The following PTPRM variants were observed in gnomAD, a reference collection of about 807,000 sequenced individuals.
PTPRM encodes the protein protein tyrosine phosphatase receptor type M.
Under a neutral mutation model 186.7 loss-of-function variants are expected in PTPRM, and 47 were observed. The ratio of observed to expected loss-of-function variants is 0.25; its 90% CI spans 0.20 to 0.32. The LOEUF is 0.32. Among genes scored for constraint, PTPRM ranks in the 10% least tolerant of loss-of-function variants. PTPRM has a pLI of 1.00. For missense variants in PTPRM, 1,494 were observed against 1,865.0 expected (o/e 0.80, Z 3.66); for synonymous variants, 668 against 674.9 (o/e 0.99, Z 0.16).
At chr18:8,218,446 G>T (rs1321915929) in intron 14 of PTPRM, among the ~76,000 whole-genome samples, 3 of 152,182 alleles carry the variant, frequency 2.0e-5, no homozygotes, top group African/African-American at 7.2e-5. Context: ...GGGACACTGT[G>T]CCTTGTGGAA....
intron 4 of PTPRM, among the ~76,000 whole-genome samples, chr18:7,925,937 A>C (rs1439048549): frequency 6.6e-6 from 1 of 152,200 alleles, no homozygotes; most frequent in Non-Finnish European, 1.5e-5. Flanking sequence ...AATGGTGTTC[A>C]CCATTTGGAA....
chr18:7,860,235 GC>G (rs2047302163), intron 2 of PTPRM, among the ~76,000 whole-genome samples: 1 of 151,962 alleles, frequency 6.6e-6, no homozygotes, highest in African/African-American at 2.4e-5. Context: ...ACCAAACCCA[GC>G]TAATTTTTGT....
intron 1 of PTPRM, among the ~76,000 whole-genome samples, chr18:7,579,235 A>G (rs993633564): frequency 6.6e-6 from 1 of 152,234 alleles, no homozygotes; most frequent in Admixed American, 6.5e-5. Flanking sequence ...CCTGCATTAC[A>G]GTCACCTGAA....
rs759388622 is a variant in PTPRM at position 8,113,713 on chromosome 18, A to C, written c.2084A>C (p.Tyr695Ser). ...TACTGGAACACTCCCCTTCTCCCCTATAAAAGCTACAGAATTTATTTCCAA... is the reference window on the plus strand; with the variant it reads ...TACTGGAACACTCCCCTTCTCCCCTCTAAAAGCTACAGAATTTATTTCCAA... ...NGYWNTPLLP[Y>S]KSYRIYFQAA... Residue 695 changes from tyrosine to serine, a missense_variant, in exon 12 of 33, where the codon TAT becomes TCT. Physicochemically the swap from Tyr to Ser is moderately radical, Grantham distance 144. Coordinates refer to ENST00000580170, the MANE Select transcript of PTPRM (RefSeq NM_001105244.2). 2 of 1,613,708 alleles carry C rather than the reference A, an allele frequency of 1.2e-6. No individual in the cohort carries two copies. The highest frequency in any genetic ancestry group is 1.3e-5 in the African/African-American group (1 of 74,914).
chr18:7,985,029 A>ATG (rs2082828806), intron 7 of PTPRM, among the ~76,000 whole-genome samples: 1 of 126,100 alleles, frequency 7.9e-6, no homozygotes, highest in African/African-American at 3.1e-5. Flanking sequence ...ATATATACAT[A>ATG]TATAAATATA....
chr18:8,132,605 T>G (rs1317562289), intron 13 of PTPRM, among the ~76,000 whole-genome samples: 1 of 152,214 alleles, frequency 6.6e-6, no homozygotes, highest in Non-Finnish European at 1.5e-5. Context: ...GCAGAAATTT[T>G]GGCTAGTTTA....
At chr18:8,133,888 A>G (rs372580368) in intron 13 of PTPRM, among the ~76,000 whole-genome samples, 2 of 152,200 alleles carry the variant, frequency 1.3e-5, no homozygotes, top group South Asian at 4.1e-4. Context: ...TGTCAAAGAC[A>G]CTGGCTAAGG....
chr18:7,661,631 G>T (rs1199346247), intron 1 of PTPRM, among the ~76,000 whole-genome samples: 1 of 152,206 alleles, frequency 6.6e-6, no homozygotes, highest in Admixed American at 6.5e-5. Flanking sequence ...CATCCAGGGG[G>T]ATCAAGAAGA....
chr18:8,013,566 G>T (rs912545518), intron 7 of PTPRM, among the ~76,000 whole-genome samples: 1 of 152,122 alleles, frequency 6.6e-6, no homozygotes, highest in Admixed American at 6.5e-5. Context: ...GGAGTGAGTG[G>T]GAAGTTGGTT....
intron 23 of PTPRM, among the ~76,000 whole-genome samples, chr18:8,351,834 C>G (rs1234424849): frequency 6.6e-6 from 1 of 152,194 alleles, no homozygotes; most frequent in Non-Finnish European, 1.5e-5. Flanking sequence ...CTAACGAATA[C>G]TGAGCTATCA....
chr18:7,631,381 C>G (rs1047159211), intron 1 of PTPRM, among the ~76,000 whole-genome samples: 2 of 151,170 alleles, frequency 1.3e-5, no homozygotes, highest in African/African-American at 4.9e-5. Context: ...GTGTTGATAA[C>G]TGTGATAAGA....
intron 14 of PTPRM, among the ~76,000 whole-genome samples, chr18:8,157,596 G>A (rs982458060): frequency 1.3e-5 from 2 of 152,212 alleles, no homozygotes; most frequent in East Asian, 3.9e-4. Context: ...AGAGCTGATA[G>A]CACAAAGTAA....
intron 20 of PTPRM, among the ~76,000 whole-genome samples, chr18:8,305,078 A>G (rs1459642111): frequency 6.6e-6 from 1 of 152,212 alleles, no homozygotes; most frequent in East Asian, 1.9e-4. Flanking sequence ...GCTGCCTTGT[A>G]GCCTGCTCTT....
rs372227037 is a variant in PTPRM at position 8,240,618 on chromosome 18, GGAGAGAGAGAGA to G, written c.2301-3415_2301-3404del. Among the ~76,000 whole-genome samples, 245 of 34,790 alleles carry G rather than the reference GGAGAGAGAGAGA, an allele frequency of 7.0e-3. 5 individuals are homozygous for G. Among genetic ancestry groups the G allele is most frequent in the Admixed American group, 9.1e-3 (25 of 2,754 alleles). The allele number at this position is 34,790 out of a possible 152,430, so 22.8% of individuals were successfully genotyped here. A position where few individuals can be genotyped will look rare whatever the true frequency, so the allele number is the denominator to read the frequency against. On this transcript the variant is annotated intron_variant, in intron 14 of 32. Transcript: ENST00000580170. The stretch of plus-strand genomic sequence containing the variant: ...TGCATGGAGAGAGAGAGAGAGGGAG[GGAGAGAGAGAGA>G]GAGAGAGAGAGAGAGAGAGAGAGAA...
chr18:7,851,005 G>A (rs2046832566), intron 2 of PTPRM, among the ~76,000 whole-genome samples: 1 of 152,078 alleles, frequency 6.6e-6, no homozygotes, highest in Non-Finnish European at 1.5e-5. Context: ...AATGACAAAT[G>A]GAATAATTTC....
chr18:8,363,489 G>A (rs1194399346), intron 23 of PTPRM, among the ~76,000 whole-genome samples: 1 of 152,132 alleles, frequency 6.6e-6, no homozygotes, highest in African/African-American at 2.4e-5. Flanking sequence ...CCTCTCTGAT[G>A]TACCTGGCGG....
intron 22 of PTPRM, among the ~76,000 whole-genome samples, chr18:8,331,062 C>T (rs1243750939): frequency 2.0e-5 from 3 of 149,474 alleles, no homozygotes; most frequent in Non-Finnish European, 4.4e-5. Context: ...GATGGGTCTG[C>T]CTTTCTCGAC....
chr18:8,116,157 T>C (rs939074741), intron 13 of PTPRM, among the ~76,000 whole-genome samples: 9 of 152,210 alleles, frequency 5.9e-5, no homozygotes, highest in Non-Finnish European at 7.3e-5. Context: ...CAGGTATCCA[T>C]TGATGCTCTT....
chr18:7,907,748 G>T lies in PTPRM; in HGVS notation c.547+1165G>T, dbSNP rs116146788. 5.2e-3 allele frequency among the ~76,000 whole-genome samples: 782 copies of T among 151,552 alleles called. 3 individuals carry two copies. Among genetic ancestry groups the T allele is most frequent in the African/African-American group, 0.018 (735 of 40,976 alleles). ...ATATAGTGCTGAGCAACTGAACACCGCAAATGTGTGTGTGTGTGTGTGTAT... is the reference window on the plus strand; with the variant it reads ...ATATAGTGCTGAGCAACTGAACACCTCAAATGTGTGTGTGTGTGTGTGTAT... On this transcript the variant is annotated intron_variant, in intron 4 of 32. Coordinates refer to ENST00000580170, the MANE Select transcript of PTPRM (RefSeq NM_001105244.2).
Sources: gnomAD v4.1 joint callset for allele counts (sites outside exome capture counted in the v4.1 genomes callset) on GRCh38, gnomAD v4.1.1 for gene constraint, MANE v1.5 for transcripts, NCBI Gene and HGNC (gene_info 2026-07-23, HGNC 2026-07-21) for gene names.